Variants in PIP5K1C observed in about 807,000 individuals in gnomAD.
The protein encoded by PIP5K1C is phosphatidylinositol-4-phosphate 5-kinase type 1 gamma.
Under a neutral mutation model 80.1 loss-of-function variants are expected in PIP5K1C, and 45 were observed. That is an observed-to-expected ratio of 0.56 (90% CI 0.44 to 0.72). The LOEUF is 0.72. Ranked by LOEUF, PIP5K1C falls within the 30% of genes least tolerant of loss-of-function variation. PIP5K1C has a pLI of 0.00. For missense variants in PIP5K1C, 753 were observed against 954.6 expected, an observed-to-expected ratio of 0.79 and a Z score of 2.78; for synonymous variants, 498 against 420.1, an observed-to-expected ratio of 1.19 and a Z score of -2.27.
chr19:3,638,007 C>T, intron 16 of PIP5K1C: 5 of 1,514,986 alleles, frequency 3.3e-6, no homozygotes, highest in Non-Finnish European at 4.4e-6. Context: ...AGAGGCGCCA[C>T]TGGAGACAGA....
At chr19:3,671,864 C>T (rs1568344499) in intron 1 of PIP5K1C, among the ~76,000 whole-genome samples, 1 of 152,266 alleles carries the variant, frequency 6.6e-6, no homozygotes, top group Non-Finnish European at 1.5e-5. Flanking sequence ...GAGCTCTGCT[C>T]AGCCTGAGAC....
At chr19:3,656,338 T>C (rs1006346249) in intron 6 of PIP5K1C, 67 bp downstream of exon 6, 11 of 1,586,410 alleles carry the variant, frequency 6.9e-6, no homozygotes, top group Non-Finnish European at 9.5e-6. Context: ...TGCAGACATC[T>C]GCTCCCGCCA....
rs549151483 is a variant in PIP5K1C, at chr19:3,632,091, G to A, written c.*1076C>T. 3.3e-5 allele frequency: 5 copies of A among 152,410 alleles called. No individual in the cohort carries two copies. The highest frequency in any genetic ancestry group is 1.3e-4 in the Admixed American group (2 of 15,310). 9.4% of individuals were successfully genotyped at this position (152,410 alleles called of 1,614,324 possible). On this transcript the variant is annotated 3_prime_UTR_variant, in exon 18 of 18. Transcript: ENST00000335312. Reference sequence around the variant, plus strand: ...CACCACTGGGAGCGCTGCCCTCTTGGAGGGTGATGAGTCGGAAACAAAGTC... The same window carrying A: ...CACCACTGGGAGCGCTGCCCTCTTGAAGGGTGATGAGTCGGAAACAAAGTC...
intron 3 of PIP5K1C, among the ~76,000 whole-genome samples, chr19:3,662,772 G>A (rs1244142205): frequency 6.6e-6 from 1 of 152,010 alleles, no homozygotes; most frequent in African/African-American, 2.4e-5. Context: ...CACCATGTTG[G>A]CCAGGCTGGT....
Position 3,682,245 on chromosome 19 carries a change from G to A in PIP5K1C, c.95-14892C>T, listed in dbSNP as rs140750220. 1.5e-3 allele frequency among the ~76,000 whole-genome samples: 235 copies of A among 151,954 alleles called. 1 individual carries two copies. Among genetic ancestry groups the A allele is most frequent in the African/African-American group, 5.4e-3 (224 of 41,420 alleles). On this transcript the variant is annotated intron_variant, in intron 1 of 17. Coordinates refer to ENST00000335312, the MANE Select transcript of PIP5K1C (RefSeq NM_012398.3). ...AAACATTAGCCAGGCATGGGGGTGC[G>A]CGCCTGTAATCCCGGCTACTCAGGA... is the stretch of plus-strand genomic sequence containing the variant.
intron 6 of PIP5K1C, among the ~76,000 whole-genome samples, chr19:3,656,173 G>C (rs974560465): frequency 6.6e-6 from 1 of 152,164 alleles, no homozygotes; most frequent in African/African-American, 2.4e-5. Flanking sequence ...AGCCCTGCCC[G>C]GGGACGGCCC....
chr19:3,666,542 C>T (rs1180287158), intron 2 of PIP5K1C, among the ~76,000 whole-genome samples: 1 of 152,204 alleles, frequency 6.6e-6, no homozygotes, highest in Non-Finnish European at 1.5e-5. Context: ...CGCACGCAGG[C>T]AAACAGGCAC....
At chr19:3,669,650 CAGA>C (rs1164747615) in intron 1 of PIP5K1C, 2 of 152,278 alleles carry the variant, frequency 1.3e-5, no homozygotes, top group Non-Finnish European at 2.9e-5. Flanking sequence ...CGAGGTCACA[CAGA>C]AGGAGAAGGA....
chr19:3,690,171 A>G lies in PIP5K1C; in HGVS notation c.94+10126T>C, dbSNP rs574452391. ...AAGACGAGACATGGCTGTAGCATGA[A>G]GGTAAAGGCAGAGGAGTGGAGCAGA... On this transcript the variant is annotated intron_variant, in intron 1 of 17. Transcript: ENST00000335312. 4.6e-5 allele frequency among the ~76,000 whole-genome samples: 7 copies of G among 152,054 alleles called. No individual in the cohort carries two copies. In the South Asian group the frequency reaches 1.5e-3, roughly 32 times the overall value.
intron 1 of PIP5K1C, among the ~76,000 whole-genome samples, chr19:3,672,383 C>T (rs1434472947): frequency 6.6e-6 from 1 of 152,242 alleles, no homozygotes; most frequent in East Asian, 1.9e-4. Context: ...AGCCTGGTCC[C>T]TCCTGCTGAG....
intron 1 of PIP5K1C, among the ~76,000 whole-genome samples, chr19:3,685,796 T>G (rs1281577981): frequency 6.6e-6 from 1 of 152,140 alleles, no homozygotes; most frequent in African/African-American, 2.4e-5. Context: ...TCTGGCTCCT[T>G]AAGTGCTACA....
chr19:3,646,139 ATG>A (rs1458377763), intron 10 of PIP5K1C, 81 bp from the exon 11 acceptor site: 1 of 821,988 alleles, frequency 1.2e-6, no homozygotes, highest in East Asian at 2.5e-5. Flanking sequence ...CAGACGCTGT[ATG>A]TGTGTGGGGG....
chr19:3,671,803 G>A (rs556325889), intron 1 of PIP5K1C, among the ~76,000 whole-genome samples: 3 of 152,324 alleles, frequency 2.0e-5, no homozygotes, highest in Admixed American at 6.5e-5. Context: ...CATGAGGCCC[G>A]CTCAGGGCAC....
At chr19:3,642,518 G>A (rs2034006043) in intron 14 of PIP5K1C, among the ~76,000 whole-genome samples, 1 of 152,228 alleles carries the variant, frequency 6.6e-6, no homozygotes, top group Non-Finnish European at 1.5e-5. Context: ...CACAAGCCTG[G>A]TGCACGTCTG....
intron 1 of PIP5K1C, among the ~76,000 whole-genome samples, chr19:3,671,951 C>T (rs1254486085): frequency 3.9e-5 from 6 of 152,232 alleles, no homozygotes; most frequent in Admixed American, 1.3e-4. Flanking sequence ...GGAGGAAAGG[C>T]GAGCCGCGCT....
At chr19:3,647,504 G>T (rs2034281900) in intron 9 of PIP5K1C, 118 bp from the exon 10 acceptor site, 7 of 895,360 alleles carry the variant, frequency 7.8e-6, no homozygotes, top group Non-Finnish European at 1.3e-5. Flanking sequence ...AGCAGTCGTG[G>T]CTGTCAAAAC....
chr19:3,676,028 A>T (rs2035346168), intron 1 of PIP5K1C, among the ~76,000 whole-genome samples: 1 of 152,210 alleles, frequency 6.6e-6, no homozygotes, highest in Admixed American at 6.5e-5. Flanking sequence ...CCCACACAGG[A>T]TCCCACCCAG....
At position 3,639,032 on chromosome 19, in the gene PIP5K1C, G is replaced by A. The variant is rs2033839542; in HGVS notation, c.1788-16C>T. The A allele has an allele frequency of 6.2e-7, 1 of 1,608,844 alleles. No individual in the cohort carries two copies. Among genetic ancestry groups the A allele is most frequent in the Non-Finnish European group, 8.5e-7 (1 of 1,179,826 alleles). On this transcript the variant is annotated splice_polypyrimidine_tract_variant and intron_variant, in intron 15 of 17. Transcript: ENST00000335312. Reference sequence around the variant, plus strand: ...AGCCTCCACCCTGGGGACAGGAGTAGACAGAGGGTCTTGACCCTCAGGCCC... The same window carrying A: ...AGCCTCCACCCTGGGGACAGGAGTAAACAGAGGGTCTTGACCCTCAGGCCC...
chr19:3,644,266 G>A lies in PIP5K1C; in HGVS notation c.1346-15C>T. 6.2e-7 allele frequency: 1 copy of A among 1,609,948 alleles called. No individual in the cohort carries two copies. Among genetic ancestry groups the A allele is most frequent in the East Asian group, 2.2e-5 (1 of 44,820 alleles). ...GGACTTCAGGGCTGCAGGGAAGGGT[G>A]GGGGTTGGTGCTTGGGGTTGCTGGG... On this transcript the variant is annotated splice_polypyrimidine_tract_variant and intron_variant, in intron 11 of 17. Transcript: ENST00000335312.
Sources: gnomAD v4.1 joint callset for allele counts (sites outside exome capture counted in the v4.1 genomes callset) on GRCh38, gnomAD v4.1.1 for gene constraint, MANE v1.5 for transcripts, NCBI Gene and HGNC (gene_info 2026-07-23, HGNC 2026-07-21) for gene names.